CLGN: variants seen among roughly 807,000 people sequenced by gnomAD.
CLGN encodes the protein testis tissue sperm-binding protein Li 79P.
In CLGN, 62 loss-of-function variants were observed where a neutral mutation model predicts 79.1. The ratio of observed to expected loss-of-function variants is 0.78; its 90% CI spans 0.64 to 0.97. The LOEUF is 0.97. CLGN is among the 50% of genes least tolerant of loss of function. CLGN has a pLI of 0.00. For missense variants in CLGN, 647 were observed against 715.5 expected, an observed-to-expected ratio of 0.90 and a Z score of 1.09; for synonymous variants, 225 against 224.7, an observed-to-expected ratio of 1.00 and a Z score of -0.01.
Position 140,393,928 on chromosome 4 carries a change from AT to A in CLGN, c.1262del (p.Asp421ValfsTer15), listed in dbSNP as rs1207710043. ...AGATAATAAAATTATCAAAGTAGAT[AT>A]CAGAGGTCATAGACCAAAGCTCTAA... ...LGLELWSMTSDIYFDNFIICS... is the reference protein window; with the variant it reads ...LGLELWSMTSXIYFDNFIICS... On this transcript the variant is annotated frameshift_variant, in exon 11 of 15. Coordinates refer to ENST00000325617, the MANE Select transcript of CLGN (RefSeq NM_004362.3). LOFTEE classifies it high-confidence loss of function. 1 of 1,613,710 alleles carries A rather than the reference AT, an allele frequency of 6.2e-7. No individual in the cohort carries two copies. The highest frequency in any genetic ancestry group is 2.2e-5 in the East Asian group (1 of 44,814).
chr4:140,419,354 A>T (rs911393735), intron 1 of CLGN, among the ~76,000 whole-genome samples: 3 of 149,864 alleles, frequency 2.0e-5, no homozygotes, highest in African/African-American at 4.9e-5. Context: ...AAAGTATAAT[A>T]AAAAAAAAAT....
At chr4:140,415,375 T>G (rs1050456929) in intron 1 of CLGN, among the ~76,000 whole-genome samples, 2 of 150,492 alleles carry the variant, frequency 1.3e-5, no homozygotes, top group Non-Finnish European at 3.0e-5. Flanking sequence ...GTAAATGGAC[T>G]AAATGCTCCA....
At chr4:140,407,242 A>G (rs774804505) in intron 4 of CLGN, among the ~76,000 whole-genome samples, 1 of 152,090 alleles carries the variant, frequency 6.6e-6, no homozygotes, top group Non-Finnish European at 1.5e-5. Context: ...GGTGAATTGT[A>G]TTATCACTAA....
At chr4:140,417,757 G>T (rs372567368) in intron 1 of CLGN, among the ~76,000 whole-genome samples, 10,261 of 149,744 alleles carry the variant, frequency 0.069, 449 homozygotes, top group African/African-American at 0.12. Flanking sequence ...AATCAATATC[G>T]TGAAAATGGC....
At chr4:140,389,407 A>T in intron 14 of CLGN, 103 bp from the exon 15 acceptor site, 1 of 816,014 alleles carries the variant, frequency 1.2e-6, no homozygotes, top group South Asian at 1.6e-5. Flanking sequence ...TGTGCTATCA[A>T]TCAAGTGCTA....
intron 13 of CLGN, 71 bp downstream of exon 13, chr4:140,392,148 A>C: frequency 2.0e-6 from 3 of 1,473,526 alleles, no homozygotes; most frequent in Non-Finnish European, 2.8e-6. Context: ...ATAACTAGTT[A>C]TTTCAAGGCC....
Position 140,389,155 on chromosome 4 carries a change from C to T in CLGN, c.*69G>A, listed in dbSNP as rs1344467216. 2.5e-6 allele frequency: 3 copies of T among 1,180,982 alleles called. No homozygotes were observed. Among genetic ancestry groups the T allele is most frequent in the East Asian group, 4.7e-5 (2 of 42,640 alleles). The allele number at this position is 1,180,982 out of a possible 1,614,324, so 73.2% of individuals were successfully genotyped here. ...CAGGATGTGCAGACTGATTAAAGTT[C>T]AGGTCTGGCATGCTGATTTTTACAA... On this transcript the variant is annotated 3_prime_UTR_variant, in exon 15 of 15. Transcript: ENST00000325617.
intron 8 of CLGN, among the ~76,000 whole-genome samples, chr4:140,396,993 AATTT>A (rs1446305022): frequency 6.8e-6 from 1 of 147,908 alleles, no homozygotes; most frequent in East Asian, 2.0e-4. Flanking sequence ...GATACACCAT[AATTT>A]ATTTAGCTTA....
intron 7 of CLGN, 114 bp downstream of exon 7, chr4:140,400,243 A>T: frequency 2.9e-6 from 2 of 691,238 alleles, no homozygotes; most frequent in Non-Finnish European, 4.9e-6. Context: ...TTTCTGAAAA[A>T]GATAAGCTCC....
At position 140,398,903 on chromosome 4, in the gene CLGN, A is replaced by C. The variant is rs778560049; in HGVS notation, c.832T>G (p.Trp278Gly). The change falls in exon 8 of 15, where the codon TGG (tryptophan) becomes GGG (glycine). Residue 278 changes from tryptophan to glycine, a missense_variant. Transcript: ENST00000325617. The stretch of plus-strand genomic sequence containing the variant: ...TCAGGAATTTTTGCTCTTTCATCCC[A>C]TTCCTCAGGTTTTTTATCATTGGGA... ...EDPNDKKPEE[W>G]DERAKIPDPS... 5 of 1,613,916 alleles carry C rather than the reference A, an allele frequency of 3.1e-6. No homozygotes were observed. The highest frequency in any genetic ancestry group is 4.2e-6 in the Non-Finnish European group (5 of 1,179,902).
chr4:140,420,440 G>GT (rs1236673579), intron 1 of CLGN, among the ~76,000 whole-genome samples: 2 of 152,078 alleles, frequency 1.3e-5, no homozygotes, highest in South Asian at 4.1e-4. Context: ...CATGAATAGC[G>GT]TAGGTACTAT....
At chr4:140,421,563 G>A (rs539019310) in intron 1 of CLGN, among the ~76,000 whole-genome samples, 10 of 152,060 alleles carry the variant, frequency 6.6e-5, no homozygotes, top group Non-Finnish European at 1.3e-4. Flanking sequence ...TAGTGATACT[G>A]AGTATCTTTT....
At chr4:140,401,274 A>G (rs1012441445) in intron 6 of CLGN, among the ~76,000 whole-genome samples, 5 of 152,046 alleles carry the variant, frequency 3.3e-5, no homozygotes, top group African/African-American at 1.2e-4. Context: ...TCCTACCTTC[A>G]AGTGTTCATC....
At chr4:140,420,138 A>G (rs1271938065) in intron 1 of CLGN, among the ~76,000 whole-genome samples, 1 of 151,992 alleles carries the variant, frequency 6.6e-6, no homozygotes, top group African/African-American at 2.4e-5. Flanking sequence ...AAAAAAAAAC[A>G]TTCTAAGTGC....
At chr4:140,417,931 A>G (rs1348812270) in intron 1 of CLGN, among the ~76,000 whole-genome samples, 1 of 152,166 alleles carries the variant, frequency 6.6e-6, no homozygotes, top group Non-Finnish European at 1.5e-5. Context: ...TGGAGGCATC[A>G]CACTACCTGA....
chr4:140,402,000 A>C lies in CLGN; in HGVS notation c.486T>G (p.Thr162=). The C allele has an allele frequency of 6.5e-7, 1 of 1,549,012 alleles. No homozygotes were observed. The highest frequency in any genetic ancestry group is 2.3e-5 in the East Asian group (1 of 43,044). ...AATATCATACCAGAATCAAATCATC[A>C]GTGTCTGCTAGGAGTTTAATGTATG... is the stretch of plus-strand genomic sequence containing the variant. ...GGAYIKLLAD[T]DDLILENFYD... is the part of the protein sequence containing the mutation. Residue 162 remains threonine, a synonymous_variant, in exon 6 of 15, where the codon ACT becomes ACG. Coordinates refer to ENST00000325617, the MANE Select transcript of CLGN (RefSeq NM_004362.3).
rs747080178 is a variant in CLGN, at chr4:140,389,063, T to C, written c.*161A>G. 4.9e-6 allele frequency: 3 copies of C among 606,384 alleles called. No individual in the cohort carries two copies. Among genetic ancestry groups the C allele is most frequent in the Non-Finnish European group, 8.6e-6 (3 of 350,108 alleles). The allele number at this position is 606,384 out of a possible 1,614,324, so 37.6% of individuals were successfully genotyped here. On this transcript the variant is annotated 3_prime_UTR_variant, in exon 15 of 15. Coordinates refer to ENST00000325617, the MANE Select transcript of CLGN (RefSeq NM_004362.3). ...GATGAGGTAACTTCAAAGTTGCTTC[T>C]TTTTCCTCTGAAATGAAGGACTAAA...
At chr4:140,396,004 T>G (rs781083263) in intron 9 of CLGN, 35 bp from the exon 10 acceptor site, 1 of 1,605,408 alleles carries the variant, frequency 6.2e-7, no homozygotes, top group Non-Finnish European at 8.5e-7. Flanking sequence ...TACAGTAACC[T>G]CAAGTCTCAG....
intron 5 of CLGN, among the ~76,000 whole-genome samples, chr4:140,402,406 A>G (rs1278660229): frequency 6.6e-6 from 1 of 152,096 alleles, no homozygotes; most frequent in African/African-American, 2.4e-5. Context: ...CTGATAAGGT[A>G]AGCACTATAC....
Sources: allele counts gnomAD v4.1 joint callset (sites outside exome capture counted in the v4.1 genomes callset), GRCh38; gene constraint gnomAD v4.1.1; transcripts MANE v1.5; gene names NCBI Gene and HGNC (gene_info 2026-07-23, HGNC 2026-07-21).